AFF3: variants seen among roughly 807,000 people sequenced by gnomAD.
AFF3 encodes the protein ALF transcription elongation factor 3.
AFF3 carries 32 observed loss-of-function variants against 129.7 expected under a neutral mutation model. That is an observed-to-expected ratio of 0.25 (90% CI 0.19 to 0.33). The LOEUF is 0.33. Among genes scored for constraint, AFF3 ranks in the 10% least tolerant of loss-of-function variants. The pLI, the probability that AFF3 is intolerant of heterozygous loss-of-function variation, is 1.00. For missense variants in AFF3, 1,373 were observed against 1,592.0 expected (o/e 0.86, Z 2.34); for synonymous variants, 644 against 635.4 (o/e 1.01, Z -0.20).
At chr2:99,807,811 T>C (rs1189829166) in intron 8 of AFF3, among the ~76,000 whole-genome samples, 1 of 152,006 alleles carries the variant, frequency 6.6e-6, no homozygotes. Flanking sequence ...AATCACATCC[T>C]ACTGTGAGAA....
At chr2:99,827,115 G>GAC (rs1288757048) in intron 8 of AFF3, among the ~76,000 whole-genome samples, 1 of 152,150 alleles carries the variant, frequency 6.6e-6, no homozygotes, top group Non-Finnish European at 1.5e-5. Flanking sequence ...AGGTGTCCAT[G>GAC]ACACATCTAA....
intron 17 of AFF3, 72 bp from the exon 18 acceptor site, chr2:99,578,523 C>T: frequency 6.4e-7 from 1 of 1,573,200 alleles, no homozygotes; most frequent in Non-Finnish European, 8.6e-7. Context: ...CACATACATA[C>T]ATACGTAGAA....
chr2:99,798,804 T>C (rs1685731374), intron 8 of AFF3, among the ~76,000 whole-genome samples: 1 of 151,902 alleles, frequency 6.6e-6, no homozygotes, highest in Non-Finnish European at 1.5e-5. Context: ...GAAGCAAAAG[T>C]GAATACAACT....
At chr2:100,110,885 G>A (rs1691489699) in intron 2 of AFF3, among the ~76,000 whole-genome samples, 1 of 152,186 alleles carries the variant, frequency 6.6e-6, no homozygotes, top group South Asian at 2.1e-4. Flanking sequence ...CAAGAACTGG[G>A]CATATGACTT....
chr2:99,647,480 C>A (rs1037726259), intron 13 of AFF3, among the ~76,000 whole-genome samples: 1 of 152,056 alleles, frequency 6.6e-6, no homozygotes, highest in African/African-American at 2.4e-5. Context: ...CTGGGTCCTG[C>A]CGGTGAGGTG....
At chr2:99,823,048 A>C (rs1200300415) in intron 8 of AFF3, among the ~76,000 whole-genome samples, 2 of 151,980 alleles carry the variant, frequency 1.3e-5, no homozygotes, top group East Asian at 3.9e-4. Context: ...TCTCCCCTTC[A>C]TGCTTTCCCT....
intron 4 of AFF3, among the ~76,000 whole-genome samples, chr2:100,090,491 C>T (rs898473823): frequency 3.3e-5 from 5 of 152,146 alleles, no homozygotes; most frequent in African/African-American, 1.2e-4. Context: ...TGACAGTGAA[C>T]TACAGACAAT....
At chr2:99,689,302 G>A (rs1279795401) in intron 11 of AFF3, among the ~76,000 whole-genome samples, 1 of 152,058 alleles carries the variant, frequency 6.6e-6, no homozygotes, top group African/African-American at 2.4e-5. Context: ...GCTGCTGCCT[G>A]GTCCCAGCCC....
chr2:99,940,345 G>A (rs1674911979), intron 7 of AFF3, among the ~76,000 whole-genome samples: 1 of 152,186 alleles, frequency 6.6e-6, no homozygotes, highest in Admixed American at 6.5e-5. Context: ...TTGAATAGGA[G>A]CTGGGTAAAA....
chr2:100,002,079 G>A (rs1681473467), intron 7 of AFF3, among the ~76,000 whole-genome samples: 1 of 152,212 alleles, frequency 6.6e-6, no homozygotes, highest in African/African-American at 2.4e-5. Context: ...CACGACAGGT[G>A]GGGAAACTGA....
intron 3 of AFF3, chr2:100,104,732 C>A: frequency 1.0e-6 from 1 of 964,474 alleles, no homozygotes; most frequent in Non-Finnish European, 1.2e-6. Context: ...GCCGCCGCCG[C>A]CCCCCGCCCC....
intron 8 of AFF3, among the ~76,000 whole-genome samples, chr2:99,767,779 A>C (rs907066280): frequency 6.6e-6 from 1 of 152,154 alleles, no homozygotes; most frequent in African/African-American, 2.4e-5. Context: ...CCCCATCTCT[A>C]CTAAAAATAC....
intron 4 of AFF3, among the ~76,000 whole-genome samples, chr2:100,098,024 G>T (rs1369149539): frequency 6.6e-6 from 1 of 151,758 alleles, no homozygotes; most frequent in Non-Finnish European, 1.5e-5. Context: ...GTATAGAAGA[G>T]CTACATTTGG....
At chr2:99,759,399 A>T (rs111233278) in intron 8 of AFF3, among the ~76,000 whole-genome samples, 328 of 151,500 alleles carry the variant, frequency 2.2e-3, no homozygotes, top group African/African-American at 7.6e-3. Context: ...TTTACTAAAC[A>T]TAATCGCCTA....
intron 7 of AFF3, among the ~76,000 whole-genome samples, chr2:99,972,004 AC>A (rs1644529181): frequency 6.6e-6 from 1 of 152,250 alleles, no homozygotes; most frequent in Non-Finnish European, 1.5e-5. Flanking sequence ...ACAACTGACA[AC>A]GGACCCACAT....
At chr2:99,651,980 C>T (rs1225315761) in intron 12 of AFF3, among the ~76,000 whole-genome samples, 3 of 152,068 alleles carry the variant, frequency 2.0e-5, no homozygotes, top group East Asian at 1.9e-4. Flanking sequence ...TGGATGACCT[C>T]GGTACACTTT....
chr2:100,107,561 GGTCTTTTC>G, intron 2 of AFF3: 1 of 957,724 alleles, frequency 1.0e-6, no homozygotes. Context: ...GTGACCTGAG[GGTCTTTTC>G]TCCCCACATG....
At chr2:100,001,902 T>C (rs1681452019) in intron 7 of AFF3, among the ~76,000 whole-genome samples, 1 of 152,210 alleles carries the variant, frequency 6.6e-6, no homozygotes, top group African/African-American at 2.4e-5. Flanking sequence ...CTCTTTCGGG[T>C]ATACGCAGTA....
At chr2:99,652,571 G>C (rs1306367376) in intron 12 of AFF3, among the ~76,000 whole-genome samples, 1 of 152,152 alleles carries the variant, frequency 6.6e-6, no homozygotes, top group Non-Finnish European at 1.5e-5. Flanking sequence ...ACTTCCATAA[G>C]TAATGCAGCA....
Sources: gnomAD v4.1 joint callset for allele counts (sites outside exome capture counted in the v4.1 genomes callset) on GRCh38, gnomAD v4.1.1 for gene constraint, MANE v1.5 for transcripts, NCBI Gene and HGNC (gene_info 2026-07-23, HGNC 2026-07-21) for gene names.